ATP8B4: variants seen among roughly 807,000 people sequenced by gnomAD.
ATP8B4 encodes ATPase phospholipid transporting 8B4 (putative).
Under a neutral mutation model 145.6 loss-of-function variants are expected in ATP8B4, and 133 were observed. The observed-to-expected ratio is 0.91, with a 90% CI of 0.79 to 1.05. The LOEUF (loss-of-function observed/expected upper bound fraction) is 1.05, where lower values mean the gene tolerates loss of function less well. ATP8B4 is among the 50% of genes least tolerant of loss of function. The pLI, the probability that ATP8B4 is intolerant of heterozygous loss-of-function variation, is 0.00. For missense variants in ATP8B4, 1,458 were observed against 1,425.2 expected (o/e 1.02, Z -0.37); for synonymous variants, 507 against 492.9 (o/e 1.03, Z -0.38).
chr15:49,997,610 G>A (rs2047534721), intron 8 of ATP8B4, among the ~76,000 whole-genome samples: 1 of 152,022 alleles, frequency 6.6e-6, no homozygotes, highest in Admixed American at 6.6e-5. Flanking sequence ...TCCTCTTGGG[G>A]AAAACAAGTG....
At chr15:50,058,546 TAC>T (rs1213498905) in intron 3 of ATP8B4, among the ~76,000 whole-genome samples, 1 of 152,212 alleles carries the variant, frequency 6.6e-6, no homozygotes, top group East Asian at 1.9e-4. Context: ...TAGCACACGA[TAC>T]ACAGTCTAAT....
At chr15:50,064,235 T>C (rs944942454) in intron 3 of ATP8B4, among the ~76,000 whole-genome samples, 4 of 152,170 alleles carry the variant, frequency 2.6e-5, no homozygotes, top group African/African-American at 9.7e-5. Flanking sequence ...TACACAATGA[T>C]GTCACCATCT....
At chr15:50,115,481 C>G (rs1033486618) in intron 1 of ATP8B4, among the ~76,000 whole-genome samples, 3 of 151,930 alleles carry the variant, frequency 2.0e-5, no homozygotes, top group Non-Finnish European at 2.9e-5. Context: ...GATGGCAATT[C>G]TGAGTTGAGT....
intron 20 of ATP8B4, among the ~76,000 whole-genome samples, chr15:49,906,886 G>A (rs142318824): frequency 8.5e-4 from 129 of 152,296 alleles, no homozygotes; most frequent in Middle Eastern, 3.4e-3. Flanking sequence ...GTCCTGACCC[G>A]CCCCTGGATT....
intron 5 of ATP8B4, among the ~76,000 whole-genome samples, chr15:50,041,300 G>A (rs912527017): frequency 3.3e-5 from 5 of 152,198 alleles, no homozygotes; most frequent in South Asian, 2.1e-4. Context: ...CTCATAGCCC[G>A]TTCCTCAGAA....
At chr15:49,966,843 G>T (rs973036425) in intron 13 of ATP8B4, among the ~76,000 whole-genome samples, 1 of 152,198 alleles carries the variant, frequency 6.6e-6, no homozygotes, top group Non-Finnish European at 1.5e-5. Flanking sequence ...CCCAGCGGAG[G>T]TCGACAGACA....
At chr15:49,952,802 T>C (rs538967074) in intron 14 of ATP8B4, among the ~76,000 whole-genome samples, 3 of 152,176 alleles carry the variant, frequency 2.0e-5, no homozygotes, top group South Asian at 4.1e-4. Context: ...TTTTCAGCAC[T>C]TTTTTTTGTT....
At chr15:49,885,642 A>G (rs528256375) in intron 23 of ATP8B4, among the ~76,000 whole-genome samples, 2 of 152,272 alleles carry the variant, frequency 1.3e-5, no homozygotes, top group South Asian at 4.1e-4. Flanking sequence ...ATAGATTCAA[A>G]CTTAATATAT....
intron 23 of ATP8B4, among the ~76,000 whole-genome samples, chr15:49,887,606 C>T (rs968912518): frequency 1.3e-5 from 2 of 151,860 alleles, no homozygotes; most frequent in East Asian, 3.9e-4. Flanking sequence ...AAAAGCCATG[C>T]TACTACAAGA....
intron 1 of ATP8B4, among the ~76,000 whole-genome samples, chr15:50,158,465 C>G (rs1023383562): frequency 7.3e-5 from 11 of 151,306 alleles, no homozygotes; most frequent in Non-Finnish European, 1.6e-4. Flanking sequence ...CGGCCAGCCG[C>G]CCCGTCCGGG....
intron 10 of ATP8B4, among the ~76,000 whole-genome samples, chr15:49,986,763 T>G (rs28444239): frequency 0.017 from 2,563 of 152,320 alleles, 68 homozygotes; most frequent in African/African-American, 0.059. Context: ...ATGATGCTAC[T>G]GTAAGCTTTC....
At chr15:49,913,229 T>C (rs1473668517) in intron 20 of ATP8B4, among the ~76,000 whole-genome samples, 1 of 151,730 alleles carries the variant, frequency 6.6e-6, no homozygotes, top group Non-Finnish European at 1.5e-5. Context: ...TGGTTCAACA[T>C]ACGTAATAAA....
chr15:50,002,067 C>T (rs552560195), intron 8 of ATP8B4, 86 bp downstream of exon 8: 9 of 1,128,456 alleles, frequency 8.0e-6, no homozygotes, highest in Non-Finnish European at 1.1e-5. Context: ...CAAGAAGATA[C>T]TGAACAAGGT....
intron 1 of ATP8B4, among the ~76,000 whole-genome samples, chr15:50,147,439 AAAGT>A (rs1567406911): frequency 7.5e-6 from 1 of 133,166 alleles, no homozygotes; most frequent in Non-Finnish European, 1.7e-5. Context: ...AAAAAAAAAA[AAAGT>A]ATATACTTCC....
intron 6 of ATP8B4, among the ~76,000 whole-genome samples, chr15:50,020,913 T>C (rs920516202): frequency 8.5e-5 from 13 of 152,184 alleles, no homozygotes; most frequent in African/African-American, 2.9e-4. Context: ...AAAGTATTGA[T>C]AGATAACAGA....
intron 26 of ATP8B4, among the ~76,000 whole-genome samples, chr15:49,862,746 C>T (rs543574806): frequency 3.7e-4 from 56 of 152,286 alleles, no homozygotes; most frequent in African/African-American, 1.2e-3. Context: ...TGAGCCACCA[C>T]GCCTGGCCAA....
At chr15:50,088,233 A>G (rs2055348003) in intron 2 of ATP8B4, among the ~76,000 whole-genome samples, 1 of 152,072 alleles carries the variant, frequency 6.6e-6, no homozygotes. Flanking sequence ...TAAAAATACA[A>G]TTAGCTGGGC....
chr15:49,928,552 T>G (rs540359249), intron 16 of ATP8B4, among the ~76,000 whole-genome samples: 1 of 152,160 alleles, frequency 6.6e-6, no homozygotes, highest in South Asian at 2.1e-4. Context: ...CTATGCTTTT[T>G]AAGTAGGGGG....
At chr15:49,980,802 T>G (rs2046084951) in intron 11 of ATP8B4, among the ~76,000 whole-genome samples, 1 of 152,174 alleles carries the variant, frequency 6.6e-6, no homozygotes. Context: ...GCCCTCTGAG[T>G]GTGGGGCCCT....
Sources: allele counts gnomAD v4.1 joint callset (sites outside exome capture counted in the v4.1 genomes callset), GRCh38; gene constraint gnomAD v4.1.1; transcripts MANE v1.5; gene names NCBI Gene and HGNC (gene_info 2026-07-23, HGNC 2026-07-21).